The following CFAP47 variants were observed in gnomAD, a reference collection of about 807,000 sequenced individuals.
CFAP47 encodes cilia and flagella associated protein 47.
Under a neutral mutation model 148.1 loss-of-function variants are expected in CFAP47, and 29 were observed. The ratio of observed to expected loss-of-function variants is 0.20; its 90% CI spans 0.15 to 0.27. CFAP47 has a LOEUF of 0.27. Ranked by LOEUF, CFAP47 falls within the 10% of genes least tolerant of loss-of-function variation. The probability of loss-of-function intolerance (pLI) is 1.00; values close to 1 mark genes in which losing one functional copy is unlikely to be tolerated. For missense variants in CFAP47, 1,872 were observed against 1,697.5 expected (o/e 1.10, Z -1.81); for synonymous variants, 664 against 577.3 (o/e 1.15, Z -2.15).
chrX:36,078,539 TTG>T (rs893262256), intron 29 of CFAP47, among the ~76,000 whole-genome samples: 2 of 110,235 alleles, frequency 1.8e-5, no homozygotes, highest in African/African-American at 6.7e-5. Context: ...TACTTTTTTT[TTG>T]TTTTCCATTT....
intron 24 of CFAP47, among the ~76,000 whole-genome samples, chrX:36,038,122 G>A (rs1372525969): frequency 9.0e-6 from 1 of 111,627 alleles, no homozygotes; most frequent in Non-Finnish European, 1.9e-5. Context: ...TGATTTCAAT[G>A]AGTTCATTGC....
At chrX:36,327,511 G>C (rs1478563185) in intron 57 of CFAP47, among the ~76,000 whole-genome samples, 1 of 111,951 alleles carries the variant, frequency 8.9e-6, no homozygotes, top group Non-Finnish European at 1.9e-5. Flanking sequence ...CTTCTACGCT[G>C]TTGGTGTGAA....
At chrX:35,963,978 G>A (rs187713798) in intron 8 of CFAP47, among the ~76,000 whole-genome samples, 23 of 111,400 alleles carry the variant, frequency 2.1e-4, no homozygotes, top group African/African-American at 7.1e-4. Flanking sequence ...TTTTAAATCA[G>A]ATAGGAGCAG....
In CFAP47 at chrX:35,924,058, T is replaced by C. The variant is rs767543787; in HGVS notation, c.250-1959T>C. Among the ~76,000 whole-genome samples, 276 of 97,207 alleles carry C rather than the reference T, an allele frequency of 2.8e-3. 4 individuals carry two copies. Among genetic ancestry groups the C allele is most frequent in the Non-Finnish European group, 4.9e-3 (241 of 49,027 alleles). 84.4% of individuals were successfully genotyped at this position (97,207 alleles called of 115,157 possible). A position where few individuals can be genotyped will look rare whatever the true frequency, so the allele number is the denominator to read the frequency against. ...ACATATATGTGTATATGTACATGTA[T>C]GCGCACATATATGTATATATGTACA... is the stretch of plus-strand genomic sequence containing the variant. On this transcript the variant is annotated intron_variant, in intron 1 of 63. Coordinates refer to ENST00000378653, the MANE Select transcript of CFAP47 (RefSeq NM_001304548.2).
chrX:36,365,343 C>CT (rs1254664766), intron 61 of CFAP47, among the ~76,000 whole-genome samples: 2 of 109,789 alleles, frequency 1.8e-5, no homozygotes, highest in Non-Finnish European at 3.8e-5. Context: ...ATTTTACTCC[C>CT]TTTTTTTTGA....
At chrX:36,275,566 T>G (rs1941007322) in intron 49 of CFAP47, among the ~76,000 whole-genome samples, 1 of 110,474 alleles carries the variant, frequency 9.1e-6, no homozygotes, top group African/African-American at 3.3e-5. Context: ...TGTATAATCC[T>G]TTTACTATGT....
At chrX:35,946,812 T>G (rs1332729853) in intron 3 of CFAP47, among the ~76,000 whole-genome samples, 1 of 111,883 alleles carries the variant, frequency 8.9e-6, no homozygotes, top group Non-Finnish European at 1.9e-5. Context: ...GACTAGTGAT[T>G]GGCTGCTTCT....
Position 35,924,359 on chromosome X carries a change from A to G in CFAP47, c.250-1658A>G, listed in dbSNP as rs990947484. On this transcript the variant is annotated intron_variant, in intron 1 of 63. Coordinates refer to ENST00000378653, the MANE Select transcript of CFAP47 (RefSeq NM_001304548.2). The stretch of plus-strand genomic sequence containing the variant: ...TACATATATGTGTGCATATGTGTAT[A>G]TATGTATATGTGCATATATGCACAC... 1.0e-4 allele frequency among the ~76,000 whole-genome samples: 11 copies of G among 105,951 alleles called. 1 individual carries two copies. The highest frequency in any genetic ancestry group is 3.6e-4 in the African/African-American group (10 of 27,604). The allele number at this position is 105,951 out of a possible 115,157, so 92.0% of individuals were successfully genotyped here. A position where few individuals can be genotyped will look rare whatever the true frequency, so the allele number is the denominator to read the frequency against.
At chrX:36,323,826 A>C (rs962948543) in intron 57 of CFAP47, among the ~76,000 whole-genome samples, 2 of 111,670 alleles carry the variant, frequency 1.8e-5, no homozygotes, top group Non-Finnish European at 3.8e-5. Flanking sequence ...CCTAGATTGG[A>C]GCTCTAGCCA....
chrX:35,952,349 G>T (rs140504976), intron 6 of CFAP47, among the ~76,000 whole-genome samples: 198 of 111,684 alleles, frequency 1.8e-3, no homozygotes, highest in African/African-American at 5.9e-3. Context: ...TGGCAGGGCA[G>T]AATTATTGCT....
intron 19 of CFAP47, 130 bp downstream of exon 19, chrX:35,997,519 A>G: frequency 4.2e-6 from 1 of 239,779 alleles, no homozygotes; most frequent in Non-Finnish European, 7.4e-6. Context: ...ACTATATACA[A>G]AGTTAAAAAT....
chrX:36,168,737 T>C (rs1052039837), intron 39 of CFAP47, among the ~76,000 whole-genome samples: 1 of 112,112 alleles, frequency 8.9e-6, no homozygotes, highest in Admixed American at 9.5e-5. Flanking sequence ...CTCCTGCTTA[T>C]TTTAAATGAG....
At chrX:36,128,604 A>C (rs5973581) in intron 33 of CFAP47, among the ~76,000 whole-genome samples, 11,627 of 110,310 alleles carry the variant, frequency 0.11, 1,213 homozygotes, top group African/African-American at 0.32. Context: ...TTTTTGTATA[A>C]TCTTAAACAG....
At chrX:36,089,293 C>G (rs750146977) in intron 30 of CFAP47, among the ~76,000 whole-genome samples, 1 of 109,997 alleles carries the variant, frequency 9.1e-6, no homozygotes, top group Non-Finnish European at 1.9e-5. Flanking sequence ...CACTTGAACC[C>G]GGGAGGCGAA....
intron 2 of CFAP47, among the ~76,000 whole-genome samples, chrX:35,939,541 G>A (rs1425435329): frequency 4.3e-5 from 4 of 93,047 alleles, no homozygotes; most frequent in Non-Finnish European, 8.4e-5. Flanking sequence ...GAGAATATGC[G>A]GTGTTTGGTT....
At chrX:35,940,565 C>T (rs1048319932) in intron 2 of CFAP47, among the ~76,000 whole-genome samples, 18 of 110,993 alleles carry the variant, frequency 1.6e-4, no homozygotes, top group Non-Finnish European at 3.0e-4. Context: ...GATTTTTTTA[C>T]AAGAGGAAGA....
intron 57 of CFAP47, among the ~76,000 whole-genome samples, chrX:36,342,004 A>G (rs1400872607): frequency 9.0e-6 from 1 of 111,187 alleles, no homozygotes; most frequent in African/African-American, 3.3e-5. Flanking sequence ...ATAAAAAAAG[A>G]AAGAAAAAAG....
chrX:36,225,857 C>T (rs1940264046), intron 45 of CFAP47, among the ~76,000 whole-genome samples: 1 of 111,010 alleles, frequency 9.0e-6, no homozygotes, highest in South Asian at 3.8e-4. Context: ...AAAGCAGACC[C>T]TGAGATCTGG....
intron 21 of CFAP47, among the ~76,000 whole-genome samples, chrX:36,004,761 G>A (rs1205295068): frequency 9.1e-6 from 1 of 110,373 alleles, no homozygotes; most frequent in Non-Finnish European, 1.9e-5. Context: ...TCATGAAGAA[G>A]CTCTTGGGGT....
Sources: gnomAD v4.1 joint callset for allele counts (sites outside exome capture counted in the v4.1 genomes callset) on GRCh38, gnomAD v4.1.1 for gene constraint, MANE v1.5 for transcripts, NCBI Gene and HGNC (gene_info 2026-07-23, HGNC 2026-07-21) for gene names.